Variants in TRAF3IP3 observed in about 807,000 individuals in gnomAD.
TRAF3IP3 encodes the protein TRAF3-interacting JNK-activating modulator.
TRAF3IP3 carries 64 observed loss-of-function variants against 86.5 expected under a neutral mutation model. That is an observed-to-expected ratio of 0.74 (90% CI 0.60 to 0.91). The LOEUF is 0.91. Ranked by LOEUF, TRAF3IP3 falls within the 40% of genes least tolerant of loss-of-function variation. The pLI is 0.00. For missense variants in TRAF3IP3, 579 were observed against 642.9 expected, an observed-to-expected ratio of 0.90 and a Z score of 1.07; for synonymous variants, 220 against 243.9, an observed-to-expected ratio of 0.90 and a Z score of 0.91.
At chr1:209,775,788 G>T in intron 11 of TRAF3IP3, 52 bp downstream of exon 11, 2 of 1,532,116 alleles carry the variant, frequency 1.3e-6, no homozygotes, top group Non-Finnish European at 1.8e-6. Context: ...GAGGAGGGAT[G>T]GTGATGAAAG....
chr1:209,782,039 T>TA lies in TRAF3IP3; in HGVS notation c.1564-17_1564-16insA. 2.5e-6 allele frequency: 4 copies of TA among 1,608,056 alleles called. No homozygotes were observed. Among genetic ancestry groups the TA allele is most frequent in the Non-Finnish European group, 3.4e-6 (4 of 1,174,480 alleles). On this transcript the variant is annotated splice_polypyrimidine_tract_variant and intron_variant, in intron 16 of 16. Coordinates refer to ENST00000367025, the MANE Select transcript of TRAF3IP3 (RefSeq NM_025228.4). Reference sequence around the variant, plus strand: ...CCACTCATGGCCACTTTCTTCTGTCTCCCTGTCCCCCTACAGAGGCAATGT... The same window carrying TA: ...CCACTCATGGCCACTTTCTTCTGTCTACCCTGTCCCCCTACAGAGGCAATGT...
chr1:209,775,768 AG>A lies in TRAF3IP3; in HGVS notation c.1053+35del, dbSNP rs903983520. On this transcript the variant is annotated intron_variant, in intron 11 of 16. Coordinates refer to ENST00000367025, the MANE Select transcript of TRAF3IP3 (RefSeq NM_025228.4). ...GGCACTGGGGGTGGGGAGGGAAGAC[AG>A]GGTATGGGGAGGAGGGATGGTGATG... 1.9e-6 allele frequency: 3 copies of A among 1,589,006 alleles called. No individual in the cohort carries two copies. In the African/African-American group the frequency reaches 4.0e-5, roughly 21 times the overall value.
In TRAF3IP3 at chr1:209,766,542, C is replaced by T. The variant is rs554558194; in HGVS notation, c.702+2955C>T. ...GAGAAAGAAGGCAGCAATTATTCCA[C>T]CTGAGGTGGAACAGGGAAGGCTTTA... is the stretch of plus-strand genomic sequence containing the variant. On this transcript the variant is annotated intron_variant, in intron 8 of 16. Coordinates refer to ENST00000367025, the MANE Select transcript of TRAF3IP3 (RefSeq NM_025228.4). Among the ~76,000 whole-genome samples, 10 of 152,330 alleles carry T rather than the reference C, an allele frequency of 6.6e-5. 1 individual carries two copies. The highest frequency in any genetic ancestry group is 6.5e-5 in the Admixed American group (1 of 15,302).
At chr1:209,782,019 C>A (rs1281565043) in intron 16 of TRAF3IP3, 37 bp from the exon 17 acceptor site, 3 of 1,547,060 alleles carry the variant, frequency 1.9e-6, no homozygotes, top group Non-Finnish European at 2.7e-6. Context: ...CCAATCCACT[C>A]ATGGCCACTT....
chr1:209,760,409 G>T, intron 3 of TRAF3IP3, 25 bp downstream of exon 3: 1 of 1,539,822 alleles, frequency 6.5e-7, no homozygotes, highest in Non-Finnish European at 8.8e-7. Flanking sequence ...GGGACATACT[G>T]CTGTGTGCTC....
At chr1:209,771,031 T>C (rs111068374) in intron 8 of TRAF3IP3, among the ~76,000 whole-genome samples, 12,557 of 124,856 alleles carry the variant, frequency 0.1, 2,038 homozygotes, top group African/African-American at 0.34. Context: ...TGTGTGTGTG[T>C]GCTCAGGTGG....
At chr1:209,781,198 G>A in intron 15 of TRAF3IP3, 147 bp from the exon 16 acceptor site, 1 of 551,768 alleles carries the variant, frequency 1.8e-6, no homozygotes, top group Non-Finnish European at 3.3e-6. Context: ...ACAGTCAAAA[G>A]ACAAACTCAA....
At chr1:209,775,058 AACATGTT>A (rs1203480392) in intron 9 of TRAF3IP3, among the ~76,000 whole-genome samples, 1 of 152,138 alleles carries the variant, frequency 6.6e-6, no homozygotes, top group Non-Finnish European at 1.5e-5. Flanking sequence ...AAGAAAAAAG[AACATGTT>A]TAGAAAGATG....
At chr1:209,770,552 T>C (rs1274876924) in intron 8 of TRAF3IP3, among the ~76,000 whole-genome samples, 4 of 134,700 alleles carry the variant, frequency 3.0e-5, no homozygotes, top group Non-Finnish European at 4.6e-5. Flanking sequence ...GGTGGAGGTG[T>C]GTGTGTCCAG....
chr1:209,772,416 T>C (rs1026394948), intron 8 of TRAF3IP3, among the ~76,000 whole-genome samples: 2 of 152,156 alleles, frequency 1.3e-5, no homozygotes, highest in African/African-American at 4.8e-5. Context: ...TTTCTCCAAA[T>C]ATGGTCACAT....
At chr1:209,762,986 C>T in intron 5 of TRAF3IP3, 82 bp from the exon 6 acceptor site, 1 of 1,585,984 alleles carries the variant, frequency 6.3e-7, no homozygotes, top group African/African-American at 1.3e-5. Context: ...ACCCTACTGG[C>T]TCTTCAGAAG....
intron 3 of TRAF3IP3, 60 bp from the exon 4 acceptor site, chr1:209,762,455 A>T: frequency 7.1e-7 from 1 of 1,410,902 alleles, no homozygotes. Context: ...CGAAATCATC[A>T]GGAGAGTCTT....
Position 209,771,952 on chromosome 1 carries a change from T to C in TRAF3IP3, c.703-996T>C, listed in dbSNP as rs563262276. ...GTGCATATGCAGGTGTGCGTGTGCA[T>C]GTGAAGGTGTGTGTGTGCAGGTGGA... is the stretch of plus-strand genomic sequence containing the variant. On this transcript the variant is annotated intron_variant, in intron 8 of 16. Transcript: ENST00000367025. Among the ~76,000 whole-genome samples, 21 of 131,202 alleles carry C rather than the reference T, an allele frequency of 1.6e-4. 1 individual carries two copies. The East Asian group carries it at 5.7e-3, about 36-fold the overall frequency. 86.1% of individuals were successfully genotyped at this position (131,202 alleles called of 152,430 possible). A position where few individuals can be genotyped will look rare whatever the true frequency, so the allele number is the denominator to read the frequency against.
At chr1:209,781,775 G>C (rs2077786330) in intron 16 of TRAF3IP3, 4 of 497,178 alleles carry the variant, frequency 8.0e-6, no homozygotes, top group Non-Finnish European at 1.1e-5. Context: ...GGAATACAAA[G>C]AAAGAATATA....
In TRAF3IP3 at chr1:209,777,452, G is replaced by C. The variant is rs1354789149; in HGVS notation, c.1154G>C (p.Arg385Thr). The change falls in exon 12 of 17, where the codon AGA (arginine) becomes ACA (threonine). Residue 385 changes from arginine (R) to threonine (T), a missense_variant. Coordinates refer to ENST00000367025, the MANE Select transcript of TRAF3IP3 (RefSeq NM_025228.4). Reference sequence around the variant, plus strand: ...AAGATTGAATGCCTGCAAGGGGACAGAGACCTGTGCAGCTTGGATACCCAG... The same window carrying C: ...AAGATTGAATGCCTGCAAGGGGACACAGACCTGTGCAGCTTGGATACCCAG... ...QAKIECLQGD[R>T]DLCSLDTQDL... is the part of the protein sequence containing the mutation. The C allele has an allele frequency of 6.2e-7, 1 of 1,614,134 alleles. No individual in the cohort carries two copies. The highest frequency in any genetic ancestry group is 8.5e-7 in the Non-Finnish European group (1 of 1,180,004).
At chr1:209,760,419 C>A (rs770715179) in intron 3 of TRAF3IP3, 35 bp downstream of exon 3, 1 of 1,508,724 alleles carries the variant, frequency 6.6e-7, no homozygotes, top group South Asian at 1.3e-5. Context: ...GCTGTGTGCT[C>A]TGGGACCCTC....
intron 11 of TRAF3IP3, 61 bp from the exon 12 acceptor site, chr1:209,777,291 C>A: frequency 6.8e-7 from 1 of 1,462,148 alleles, no homozygotes; most frequent in Non-Finnish European, 9.3e-7. Context: ...ATGGTACCCG[C>A]CCCCCAACCT....
At chr1:209,771,623 A>G (rs2077530284) in intron 8 of TRAF3IP3, among the ~76,000 whole-genome samples, 1 of 133,678 alleles carries the variant, frequency 7.5e-6, no homozygotes, top group African/African-American at 2.9e-5. Flanking sequence ...GTGCGTGTGC[A>G]TATGGAGGTG....
At chr1:209,779,514 T>A in intron 14 of TRAF3IP3, 140 bp downstream of exon 14, 1 of 751,250 alleles carries the variant, frequency 1.3e-6, no homozygotes, top group Non-Finnish European at 2.4e-6. Flanking sequence ...GGGAGCTTTT[T>A]AAGGACTGAT....
Sources: gnomAD v4.1 joint callset for allele counts (sites outside exome capture counted in the v4.1 genomes callset) on GRCh38, gnomAD v4.1.1 for gene constraint, MANE v1.5 for transcripts, NCBI Gene and HGNC (gene_info 2026-07-23, HGNC 2026-07-21) for gene names.